The following BRD8 variants were observed in gnomAD, a reference collection of about 807,000 sequenced individuals.
The protein encoded by BRD8 is bromodomain containing 8.
In BRD8, 67 loss-of-function variants were observed where a neutral mutation model predicts 143.1. That is an observed-to-expected ratio of 0.47 (90% CI 0.38 to 0.57). The LOEUF (loss-of-function observed/expected upper bound fraction) is 0.57. BRD8 is among the 20% of genes least tolerant of loss of function. BRD8 has a pLI of 0.00. For missense variants in BRD8, 1,103 were observed against 1,503.0 expected, an observed-to-expected ratio of 0.73 and a Z score of 4.40; for synonymous variants, 505 against 517.1, an observed-to-expected ratio of 0.98 and a Z score of 0.32.
At chr5:138,175,307 G>T (rs1314119298) in intron 2 of BRD8, among the ~76,000 whole-genome samples, 4 of 152,102 alleles carry the variant, frequency 2.6e-5, no homozygotes, top group African/African-American at 9.7e-5. Flanking sequence ...AAAATGCTAG[G>T]AAGCATGACA....
At chr5:138,154,607 G>C (rs1752500017) in intron 20 of BRD8, among the ~76,000 whole-genome samples, 2 of 152,022 alleles carry the variant, frequency 1.3e-5, no homozygotes, top group Non-Finnish European at 2.9e-5. Context: ...CCTTTCCATT[G>C]CCTCACAAAG....
At chr5:138,173,176 C>T (rs1754030397) in intron 2 of BRD8, among the ~76,000 whole-genome samples, 1 of 152,082 alleles carries the variant, frequency 6.6e-6, no homozygotes, top group African/African-American at 2.4e-5. Context: ...GGAGGGCAGA[C>T]TGCTTGAGAT....
intron 3 of BRD8, 67 bp from the exon 4 acceptor site, chr5:138,171,477 T>C (rs1350654308): frequency 9.8e-7 from 1 of 1,018,196 alleles, no homozygotes; most frequent in East Asian, 2.4e-5. Flanking sequence ...CCTTTCAAAG[T>C]TTCAAGAGAT....
chr5:138,170,571 T>C, intron 6 of BRD8, 162 bp from the exon 7 acceptor site: 1 of 833,612 alleles, frequency 1.2e-6, no homozygotes, highest in African/African-American at 1.7e-5. Flanking sequence ...GTATACTGCC[T>C]AACTCCCAGT....
rs1347608602 is a variant in BRD8 at position 138,163,050 on chromosome 5, C to CAGGA, written c.2087+76_2087+79dup. On this transcript the variant is annotated intron_variant, in intron 15 of 26. Coordinates refer to ENST00000254900, the MANE Select transcript of BRD8 (RefSeq NM_139199.2). ...GGAAAAGAAAAGAAAAGAGAAAAGA[C>CAGGA]AGGAAGGAAGGAAGGAAGGAAAAGA... 3.4e-5 allele frequency: 4 copies of CAGGA among 116,658 alleles called. No homozygotes were observed. In the African/African-American group the frequency reaches 4.8e-4, roughly 14 times the overall value. The allele number at this position is 116,658 out of a possible 1,614,324, so 7.2% of individuals were successfully genotyped here. A position where few individuals can be genotyped will look rare whatever the true frequency, so the allele number is the denominator to read the frequency against.
intron 25 of BRD8, among the ~76,000 whole-genome samples, chr5:138,144,086 C>G (rs984503415): frequency 4.6e-5 from 7 of 152,146 alleles, no homozygotes. Context: ...GCCAGCAAGA[C>G]CACGAACCCA....
intron 9 of BRD8, chr5:138,166,965 G>T (rs1333837939): frequency 9.3e-6 from 4 of 429,068 alleles, no homozygotes; most frequent in African/African-American, 2.0e-5. Flanking sequence ...GGGTGGTAAG[G>T]CTAGGTGCAG....
In BRD8 at chr5:138,164,795, A is replaced by G. The variant is rs1002405434; in HGVS notation, c.1650T>C (p.Ser550=). The G allele has an allele frequency of 3.1e-5, 50 of 1,614,040 alleles. No homozygotes were observed. Among genetic ancestry groups the G allele is most frequent in the Non-Finnish European group, 4.2e-5 (49 of 1,180,028 alleles). Residue 550 remains serine, a synonymous_variant, in exon 12 of 27, where the codon AGT becomes AGC. Transcript: ENST00000254900. The stretch of plus-strand genomic sequence containing the variant: ...CTTCAACAATCTCTCCAGCTGCAGT[A>G]CTTCCCAGTTCCTCATCTAAGTCCT... ...RSQDLDEELG[S]TAAGEIVEAD...
At chr5:138,159,192 T>C (rs1284438854) in intron 20 of BRD8, among the ~76,000 whole-genome samples, 1 of 152,210 alleles carries the variant, frequency 6.6e-6, no homozygotes, top group Non-Finnish European at 1.5e-5. Flanking sequence ...ACTGCCATTA[T>C]GAGAAACACT....
At chr5:138,148,190 GA>G (rs915537579) in intron 23 of BRD8, among the ~76,000 whole-genome samples, 41 of 147,042 alleles carry the variant, frequency 2.8e-4, no homozygotes, top group Admixed American at 7.5e-4. Context: ...AAAAAAAAGG[GA>G]AAAAAAAAGG....
chr5:138,162,157 G>C lies in BRD8; in HGVS notation c.2088-11C>G. ...TCACTACAGACAGAGCTGAAACAGA[G>C]ATACAGCAATTCCACTAGGCACAAG... On this transcript the variant is annotated splice_polypyrimidine_tract_variant and intron_variant, in intron 15 of 26. Transcript: ENST00000254900. 6.3e-7 allele frequency: 1 copy of C among 1,576,352 alleles called. No homozygotes were observed.
intron 13 of BRD8, 51 bp downstream of exon 13, chr5:138,164,269 T>C: frequency 6.2e-7 from 1 of 1,601,466 alleles, no homozygotes; most frequent in African/African-American, 1.3e-5. Context: ...CCACAACCCC[T>C]CAGAAGCCAA....
intron 17 of BRD8, 132 bp from the exon 18 acceptor site, chr5:138,161,200 C>T (rs1752971184): frequency 4.7e-6 from 3 of 636,234 alleles, no homozygotes; most frequent in Admixed American, 6.9e-5. Context: ...AATGCTAACC[C>T]CTTATCCCAA....
In BRD8 at chr5:138,152,677, G is replaced by A. The variant is rs930630095; in HGVS notation, c.2661C>T (p.Phe887=). Residue 887 remains phenylalanine, a synonymous_variant, in exon 21 of 27, where the codon TTC becomes TTT. Transcript: ENST00000254900. ...SELSNDCRSL[F]SSWDSSLDLD... is the part of the protein sequence containing the mutation. ...GATCCAGACTGGAGTCCCATGAGCTGAAGAGGGACCTGCAGTCATTGCTCA... is the reference window on the plus strand; with the variant it reads ...GATCCAGACTGGAGTCCCATGAGCTAAAGAGGGACCTGCAGTCATTGCTCA... The A allele has an allele frequency of 1.9e-6, 3 of 1,614,068 alleles. No individual in the cohort carries two copies. The Admixed American group carries it at 5.0e-5, about 27-fold the overall frequency.
chr5:138,140,218 G>T (rs1266955015), intron 26 of BRD8, 52 bp from the exon 27 acceptor site: 2 of 1,321,976 alleles, frequency 1.5e-6, no homozygotes, highest in Non-Finnish European at 2.2e-6. Context: ...AAACACTAAA[G>T]TATTGCAAGT....
intron 8 of BRD8, chr5:138,168,800 G>A: frequency 3.0e-6 from 2 of 667,460 alleles, no homozygotes; most frequent in South Asian, 1.8e-5. Context: ...GAGTGGAATT[G>A]CCCAGAAACC....
At chr5:138,168,679 C>G in intron 8 of BRD8, 1 of 1,572,240 alleles carries the variant, frequency 6.4e-7, no homozygotes, top group East Asian at 2.2e-5. Context: ...GGCAAAGTCC[C>G]GGGGGTTACC....
chr5:138,169,006 T>TA (rs1753660775), intron 8 of BRD8, among the ~76,000 whole-genome samples: 1 of 152,218 alleles, frequency 6.6e-6, no homozygotes, highest in Non-Finnish European at 1.5e-5. Context: ...AACAATTTCT[T>TA]AAAATAGTTT....
Position 138,163,175 on chromosome 5 carries a change from T to C in BRD8, c.2042A>G (p.His681Arg). 6.2e-7 allele frequency: 1 copy of C among 1,614,148 alleles called. No individual in the cohort carries two copies. The highest frequency in any genetic ancestry group is 8.5e-7 in the Non-Finnish European group (1 of 1,180,036). The change falls in exon 15 of 27, where the codon CAC becomes CGC. Residue 681 changes from histidine to arginine, a missense_variant. His to Arg is a conservative substitution (Grantham distance 29, BLOSUM62 0). Around this residue, in one of 7 missense-constraint regions of BRD8, gnomAD observed 75 missense variants for 111.7 expected, o/e 0.67. Coordinates refer to ENST00000254900, the MANE Select transcript of BRD8 (RefSeq NM_139199.2). ...FSIHNATLQS[H>R]TLADSIPSSP... is the part of the protein sequence containing the mutation. Reference sequence around the variant, plus strand: ...GCTGGGGATGGAGTCTGCCAGTGTGTGTGACTGCAGTGTAGCATTGTGTAT... The same window carrying C: ...GCTGGGGATGGAGTCTGCCAGTGTGCGTGACTGCAGTGTAGCATTGTGTAT...
Sources: gnomAD v4.1 joint callset for allele counts (sites outside exome capture counted in the v4.1 genomes callset) on GRCh38, gnomAD v4.1.1 for gene constraint, gnomAD v4.1.1 regional missense constraint, MANE v1.5 for transcripts, NCBI Gene and HGNC (gene_info 2026-07-23, HGNC 2026-07-21) for gene names.